Variants in GALNTL6 observed in about 807,000 individuals in gnomAD.
The protein encoded by GALNTL6 is polypeptide N-acetylgalactosaminyltransferase-like 6.
A neutral mutation model predicts 73.7 loss-of-function variants in GALNTL6; 46 were observed. That is an observed-to-expected ratio of 0.62 (90% CI 0.49 to 0.80). The LOEUF is 0.80. Ranked by LOEUF, GALNTL6 falls within the 30% of genes least tolerant of loss-of-function variation. The probability of loss-of-function intolerance (pLI) is 0.00; values close to 1 mark genes in which losing one functional copy is unlikely to be tolerated. For synonymous variants in GALNTL6, 259 were observed against 263.7 expected, an observed-to-expected ratio of 0.98 and a Z score of 0.17; for missense variants, 604 against 755.0, an observed-to-expected ratio of 0.80 and a Z score of 2.34.
At chr4:172,218,751 A>G (rs1035374568) in intron 2 of GALNTL6, among the ~76,000 whole-genome samples, 2 of 152,102 alleles carry the variant, frequency 1.3e-5, no homozygotes, top group South Asian at 2.1e-4. Flanking sequence ...GTCATTTTTT[A>G]TACTTTATTT....
At chr4:172,907,084 C>T (rs1293459214) in intron 8 of GALNTL6, among the ~76,000 whole-genome samples, 3 of 151,914 alleles carry the variant, frequency 2.0e-5, no homozygotes, top group African/African-American at 7.3e-5. Flanking sequence ...CTGTCAACCA[C>T]ACTGACCAAT....
chr4:172,450,029 C>T (rs1438882218), intron 5 of GALNTL6, among the ~76,000 whole-genome samples: 3 of 151,940 alleles, frequency 2.0e-5, no homozygotes, highest in Admixed American at 6.6e-5. Flanking sequence ...ACCAACCTGA[C>T]GAACATGGAG....
At chr4:171,944,528 A>T (rs1738644229) in intron 2 of GALNTL6, among the ~76,000 whole-genome samples, 1 of 152,020 alleles carries the variant, frequency 6.6e-6, no homozygotes, top group South Asian at 2.1e-4. Context: ...GTTTTCAAAG[A>T]AAAAGTCCTA....
rs1344652524 is a variant in GALNTL6, at chr4:172,896,243, TTTTG to T, written c.1041+13342_1041+13345del. On this transcript the variant is annotated intron_variant, in intron 8 of 12. Coordinates refer to ENST00000506823, the MANE Select transcript of GALNTL6 (RefSeq NM_001034845.3). Reference sequence around the variant, plus strand: ...ATTTATTTTAGTCTTCTTTGCCCAGTTTTGTTTGTGCCTGTTCATTTTCCAAGGG... The same window carrying T: ...ATTTATTTTAGTCTTCTTTGCCCAGTTTTGTGCCTGTTCATTTTCCAAGGG... Among the ~76,000 whole-genome samples the T allele has an allele frequency of 4.6e-5, 7 of 152,192 alleles. No homozygotes were observed. The South Asian group carries it at 1.2e-3, about 27-fold the overall frequency.
At chr4:171,880,417 A>T (rs111946764) in intron 2 of GALNTL6, among the ~76,000 whole-genome samples, 118 of 152,328 alleles carry the variant, frequency 7.7e-4, no homozygotes, top group African/African-American at 2.5e-3. Context: ...GATGTTTGTT[A>T]TTCCTTATTC....
At position 172,753,769 on chromosome 4, in the gene GALNTL6, G is replaced by A. The variant is rs549653074; in HGVS notation, c.554-55592G>A. On this transcript the variant is annotated intron_variant, in intron 5 of 12. Coordinates refer to ENST00000506823, the MANE Select transcript of GALNTL6 (RefSeq NM_001034845.3). The stretch of plus-strand genomic sequence containing the variant: ...TAGTTTGCTAGGCAGTTTAGTGTCT[G>A]GAGAAGCTAAGCAAAATATTGTAAG... 2.3e-3 allele frequency among the ~76,000 whole-genome samples: 351 copies of A among 152,224 alleles called. 6 individuals are homozygous for A. The highest frequency in any genetic ancestry group is 1.6e-3 in the Non-Finnish European group (109 of 67,998).
At chr4:172,602,433 T>C (rs1738094776) in intron 5 of GALNTL6, among the ~76,000 whole-genome samples, 1 of 152,060 alleles carries the variant, frequency 6.6e-6, no homozygotes, top group Admixed American at 6.6e-5. Flanking sequence ...GGAGGGAAAG[T>C]GAAAATATAC....
chr4:172,547,970 G>C (rs1735832613), intron 5 of GALNTL6, among the ~76,000 whole-genome samples: 1 of 152,156 alleles, frequency 6.6e-6, no homozygotes, highest in Non-Finnish European at 1.5e-5. Context: ...ACCACTTGGG[G>C]TGGGGCTTGT....
intron 2 of GALNTL6, among the ~76,000 whole-genome samples, chr4:172,072,189 T>A (rs1731564396): frequency 6.6e-6 from 1 of 152,160 alleles, no homozygotes; most frequent in Non-Finnish European, 1.5e-5. Context: ...AAGCCCGATG[T>A]GATCTTATTT....
chr4:172,942,604 C>G (rs1004482131), intron 9 of GALNTL6, among the ~76,000 whole-genome samples: 2 of 152,178 alleles, frequency 1.3e-5, no homozygotes, highest in African/African-American at 4.8e-5. Flanking sequence ...TTCCCAAAAG[C>G]CTCCATCGCA....
chr4:172,667,625 G>T (rs1731743245), intron 5 of GALNTL6: 1 of 152,276 alleles, frequency 6.6e-6, no homozygotes, highest in African/African-American at 2.4e-5. Context: ...CATTCTTTTT[G>T]GGGTGGCATC....
chr4:172,891,766 G>T (rs866093785), intron 8 of GALNTL6, among the ~76,000 whole-genome samples: 1 of 151,982 alleles, frequency 6.6e-6, no homozygotes, highest in Non-Finnish European at 1.5e-5. Flanking sequence ...TCTCTCTCGG[G>T]AATACCAAGG....
At chr4:172,582,535 A>T (rs1737230494) in intron 5 of GALNTL6, among the ~76,000 whole-genome samples, 1 of 152,164 alleles carries the variant, frequency 6.6e-6, no homozygotes, top group Non-Finnish European at 1.5e-5. Flanking sequence ...ATTAAAGCTG[A>T]CTGTAATTAC....
At chr4:171,959,825 T>C (rs1739168843) in intron 2 of GALNTL6, among the ~76,000 whole-genome samples, 1 of 152,222 alleles carries the variant, frequency 6.6e-6, no homozygotes, top group African/African-American at 2.4e-5. Context: ...CATGTTTGCC[T>C]GAAGCAAATA....
intron 2 of GALNTL6, among the ~76,000 whole-genome samples, chr4:172,169,068 G>T (rs1734728086): frequency 6.6e-6 from 1 of 152,156 alleles, no homozygotes; most frequent in South Asian, 2.1e-4. Flanking sequence ...TGTTTTCTTG[G>T]TATGTTATTC....
chr4:172,599,558 T>A (rs1375652334), intron 5 of GALNTL6, among the ~76,000 whole-genome samples: 1 of 152,110 alleles, frequency 6.6e-6, no homozygotes, highest in Non-Finnish European at 1.5e-5. Flanking sequence ...GATTTAAAGG[T>A]ATGGCTTTAT....
chr4:172,998,675 C>T (rs1028110831), intron 10 of GALNTL6, among the ~76,000 whole-genome samples: 3 of 152,134 alleles, frequency 2.0e-5, no homozygotes, highest in Non-Finnish European at 4.4e-5. Context: ...CCTAGGCCTC[C>T]CCTACTGGAT....
chr4:172,376,756 G>C (rs1743048121), intron 5 of GALNTL6, among the ~76,000 whole-genome samples: 1 of 152,152 alleles, frequency 6.6e-6, no homozygotes, highest in African/African-American at 2.4e-5. Flanking sequence ...GTCTCTTCGT[G>C]GTTGCCAAAA....
intron 2 of GALNTL6, among the ~76,000 whole-genome samples, chr4:171,865,978 T>G (rs762458151): frequency 6.6e-6 from 1 of 152,194 alleles, no homozygotes; most frequent in Non-Finnish European, 1.5e-5. Context: ...CAAATTATTA[T>G]GAAGAGTTGG....
Sources: gnomAD v4.1 joint callset for allele counts (sites outside exome capture counted in the v4.1 genomes callset) on GRCh38, gnomAD v4.1.1 for gene constraint, MANE v1.5 for transcripts, NCBI Gene and HGNC (gene_info 2026-07-23, HGNC 2026-07-21) for gene names.